The following SGCZ variants were observed in gnomAD, a reference collection of about 807,000 sequenced individuals.
The protein encoded by SGCZ is zeta-sarcoglycan.
In SGCZ, 40 loss-of-function variants were observed where a neutral mutation model predicts 41.3. The ratio of observed to expected loss-of-function variants is 0.97; its 90% CI spans 0.75 to 1.26. SGCZ has a LOEUF of 1.26. SGCZ is among the 50% of genes most tolerant of loss of function. The probability of loss-of-function intolerance (pLI) is 0.00; values close to 1 mark genes in which losing one functional copy is unlikely to be tolerated. For missense variants in SGCZ, 552 were observed against 369.8 expected (o/e 1.49, Z -4.04); for synonymous variants, 206 against 137.5 (o/e 1.50, Z -3.49).
intron 2 of SGCZ, among the ~76,000 whole-genome samples, chr8:14,400,249 T>C (rs1799034722): frequency 6.6e-6 from 1 of 152,174 alleles, no homozygotes; most frequent in Non-Finnish European, 1.5e-5. Context: ...CAGATTTTAT[T>C]TATCCATTCA....
At chr8:14,831,976 G>C (rs1364907882) in intron 1 of SGCZ, among the ~76,000 whole-genome samples, 1 of 151,992 alleles carries the variant, frequency 6.6e-6, no homozygotes, top group East Asian at 1.9e-4. Context: ...GAATAGCTGT[G>C]TTATGTTTTA....
chr8:14,105,880 T>G lies in SGCZ; in HGVS notation c.620+2283A>C, dbSNP rs943969031. Among the ~76,000 whole-genome samples the G allele has an allele frequency of 2.6e-5, 4 of 152,130 alleles. No individual in the cohort carries two copies. In the South Asian group the frequency reaches 8.3e-4, roughly 31 times the overall value. ...CAGTAAAAATTATAAAATGAGCATA[T>G]AGTTACCAAAACGTTAGAAATAAAA... is the stretch of plus-strand genomic sequence containing the variant. On this transcript the variant is annotated intron_variant, in intron 6 of 7. Transcript: ENST00000382080.
At chr8:14,091,439 T>C (rs999741459) in intron 7 of SGCZ, among the ~76,000 whole-genome samples, 1 of 152,104 alleles carries the variant, frequency 6.6e-6, no homozygotes, top group Non-Finnish European at 1.5e-5. Flanking sequence ...TTTAACCAAT[T>C]TACACTCCCA....
intron 1 of SGCZ, among the ~76,000 whole-genome samples, chr8:15,000,296 G>A (rs1266913824): frequency 6.6e-6 from 1 of 152,116 alleles, no homozygotes; most frequent in Non-Finnish European, 1.5e-5. Flanking sequence ...TTGTTTCTTT[G>A]TTATGGCAAC....
chr8:14,273,052 A>G (rs889169659), intron 3 of SGCZ, among the ~76,000 whole-genome samples: 1 of 152,036 alleles, frequency 6.6e-6, no homozygotes, highest in African/African-American at 2.4e-5. Flanking sequence ...GAAATTGTAT[A>G]CAAAATTTTG....
At chr8:14,220,123 A>T (rs1806141274) in intron 4 of SGCZ, among the ~76,000 whole-genome samples, 1 of 152,196 alleles carries the variant, frequency 6.6e-6, no homozygotes, top group Non-Finnish European at 1.5e-5. Context: ...GTTATATATC[A>T]AAAAGATGCA....
chr8:14,941,527 C>T (rs894900025), intron 1 of SGCZ, among the ~76,000 whole-genome samples: 6 of 152,000 alleles, frequency 3.9e-5, no homozygotes, highest in Non-Finnish European at 2.9e-5. Context: ...TCTTAATCCC[C>T]TACACAATAT....
At chr8:15,135,270 T>C (rs767203622) in intron 1 of SGCZ, among the ~76,000 whole-genome samples, 1 of 152,158 alleles carries the variant, frequency 6.6e-6, no homozygotes, top group Non-Finnish European at 1.5e-5. Flanking sequence ...CTACCTAAAA[T>C]ATTGCTGAAA....
chr8:14,179,574 C>A (rs1461438610), intron 4 of SGCZ, among the ~76,000 whole-genome samples: 2 of 152,114 alleles, frequency 1.3e-5, no homozygotes, highest in African/African-American at 4.8e-5. Flanking sequence ...ATGCTAACCT[C>A]AGAGTCTCTT....
At chr8:14,972,703 T>A (rs903050480) in intron 1 of SGCZ, among the ~76,000 whole-genome samples, 3 of 152,176 alleles carry the variant, frequency 2.0e-5, no homozygotes, top group African/African-American at 7.2e-5. Context: ...ATGTTATTCA[T>A]CTTTAACTTA....
At position 14,142,282 on chromosome 8, in the gene SGCZ, A is replaced by G. The variant is rs558669330; in HGVS notation, c.547+22298T>C. ...GTATACATATGTAGCATACCTGCCC[A>G]TTGTGCAGATGTACCCTGGAACTTA... is the stretch of plus-strand genomic sequence containing the variant. On this transcript the variant is annotated intron_variant, in intron 5 of 7. Transcript: ENST00000382080. 3.3e-5 allele frequency among the ~76,000 whole-genome samples: 5 copies of G among 152,292 alleles called. No individual in the cohort carries two copies. In the East Asian group the frequency reaches 9.7e-4, roughly 29 times the overall value.
chr8:14,935,856 A>G (rs75877405), intron 1 of SGCZ, among the ~76,000 whole-genome samples: 32,834 of 151,722 alleles, frequency 0.22, 4,416 homozygotes, highest in East Asian at 0.35. Flanking sequence ...AAATCAGAAG[A>G]ACTCAAAGTA....
At chr8:14,784,603 G>T (rs1585257449) in intron 1 of SGCZ, among the ~76,000 whole-genome samples, 1 of 151,824 alleles carries the variant, frequency 6.6e-6, no homozygotes, top group African/African-American at 2.4e-5. Flanking sequence ...ATGATAAGAT[G>T]CATGTAGATA....
At chr8:14,137,930 G>C (rs1487184433) in intron 5 of SGCZ, among the ~76,000 whole-genome samples, 1 of 152,164 alleles carries the variant, frequency 6.6e-6, no homozygotes, top group Non-Finnish European at 1.5e-5. Context: ...CAGCCAGAGA[G>C]AAAGGTCAGG....
At chr8:14,133,939 C>A (rs1057451866) in intron 5 of SGCZ, among the ~76,000 whole-genome samples, 2 of 152,128 alleles carry the variant, frequency 1.3e-5, no homozygotes, top group African/African-American at 2.4e-5. Flanking sequence ...GCCACCAGAA[C>A]ATTTATTTCC....
At chr8:14,291,391 G>A (rs1173062718) in intron 3 of SGCZ, among the ~76,000 whole-genome samples, 1 of 151,976 alleles carries the variant, frequency 6.6e-6, no homozygotes, top group Non-Finnish European at 1.5e-5. Context: ...TATACATGTA[G>A]TAGTGCATAA....
chr8:14,863,010 C>G (rs914667808), intron 1 of SGCZ, among the ~76,000 whole-genome samples: 1 of 152,072 alleles, frequency 6.6e-6, no homozygotes, highest in Non-Finnish European at 1.5e-5. Context: ...GGAAATCAAT[C>G]AATTTTTGAA....
intron 5 of SGCZ, among the ~76,000 whole-genome samples, chr8:14,142,024 G>A (rs866824876): frequency 2.4e-4 from 37 of 152,274 alleles, no homozygotes; most frequent in African/African-American, 8.9e-4. Context: ...GTAGGCACAT[G>A]GATGAAGCTG....
chr8:14,537,933 G>GTTTGA (rs1468457680), intron 2 of SGCZ, among the ~76,000 whole-genome samples: 1 of 151,778 alleles, frequency 6.6e-6, no homozygotes, highest in Non-Finnish European at 1.5e-5. Flanking sequence ...CAACTCTTTC[G>GTTTGA]TTTGCTTTGC....
Sources: gnomAD v4.1 joint callset for allele counts (sites outside exome capture counted in the v4.1 genomes callset) on GRCh38, gnomAD v4.1.1 for gene constraint, MANE v1.5 for transcripts, NCBI Gene and HGNC (gene_info 2026-07-23, HGNC 2026-07-21) for gene names.